DAAM1: variants seen among roughly 807,000 people sequenced by gnomAD.
DAAM1 encodes disheveled-associated activator of morphogenesis 1.
In DAAM1, 52 loss-of-function variants were observed where a neutral mutation model predicts 130.0. The ratio of observed to expected loss-of-function variants is 0.40; its 90% confidence interval spans 0.32 to 0.50. The LOEUF (loss-of-function observed/expected upper bound fraction) is 0.50. DAAM1 is among the 20% of genes least tolerant of loss of function. The pLI, the probability that DAAM1 is intolerant of heterozygous loss-of-function variation, is 0.61. For missense variants in DAAM1, 1,134 were observed against 1,303.8 expected (o/e 0.87, Z 2.01); for synonymous variants, 452 against 444.5 (o/e 1.02, Z -0.21).
chr14:59,340,305 C>G (rs1389868260), intron 16 of DAAM1, 125 bp downstream of exon 16: 2 of 826,714 alleles, frequency 2.4e-6, no homozygotes, highest in Non-Finnish European at 3.8e-6. Context: ...GGATCCCCTT[C>G]TGTTAAAATG....
At chr14:59,321,285 T>C (rs940828012) in intron 5 of DAAM1, among the ~76,000 whole-genome samples, 1 of 152,172 alleles carries the variant, frequency 6.6e-6, no homozygotes, top group African/African-American at 2.4e-5. Flanking sequence ...AGAAAGTAGA[T>C]TAGTGGTTGC....
intron 1 of DAAM1, among the ~76,000 whole-genome samples, chr14:59,262,538 A>G (rs1882215288): frequency 6.6e-6 from 1 of 152,164 alleles, no homozygotes; most frequent in African/African-American, 2.4e-5. Flanking sequence ...TCTTTCATAT[A>G]TTTATAAATA....
chr14:59,312,896 A>G (rs975281601), intron 3 of DAAM1, among the ~76,000 whole-genome samples: 3 of 152,226 alleles, frequency 2.0e-5, no homozygotes, highest in Admixed American at 1.3e-4. Context: ...CAAAGTATAT[A>G]CAATCTAGAA....
At chr14:59,262,758 T>G (rs979642699) in intron 1 of DAAM1, among the ~76,000 whole-genome samples, 2 of 151,472 alleles carry the variant, frequency 1.3e-5, no homozygotes, top group African/African-American at 4.8e-5. Context: ...GTTTGAAAAT[T>G]TCTGGCCCAT....
chr14:59,303,156 G>A (rs1472426145), intron 3 of DAAM1, among the ~76,000 whole-genome samples: 3 of 152,204 alleles, frequency 2.0e-5, no homozygotes, highest in African/African-American at 4.8e-5. Flanking sequence ...TTGCCTGTGT[G>A]TGTTAAGGAA....
intron 1 of DAAM1, among the ~76,000 whole-genome samples, chr14:59,235,033 G>T (rs1889247620): frequency 6.6e-6 from 1 of 152,146 alleles, no homozygotes; most frequent in Non-Finnish European, 1.5e-5. Context: ...TGTGCTGCTG[G>T]ATTTGGTTTG....
chr14:59,263,824 G>A, intron 2 of DAAM1, 164 bp downstream of exon 2: 1 of 831,112 alleles, frequency 1.2e-6, no homozygotes, highest in Non-Finnish European at 1.9e-6. Flanking sequence ...TAAACCTGTG[G>A]AGAAGGAAGA....
intron 1 of DAAM1, among the ~76,000 whole-genome samples, chr14:59,252,465 T>TA (rs1366129749): frequency 3.3e-5 from 5 of 152,152 alleles, no homozygotes; most frequent in African/African-American, 9.7e-5. Context: ...AAAGCTTTTT[T>TA]AAAAAAATGC....
chr14:59,325,834 C>A, intron 9 of DAAM1, 104 bp downstream of exon 9: 1 of 1,525,028 alleles, frequency 6.6e-7, no homozygotes, highest in Non-Finnish European at 9.0e-7. Context: ...AACCTAAAAG[C>A]AAACTCAAAG....
intron 1 of DAAM1, among the ~76,000 whole-genome samples, chr14:59,240,851 G>C (rs1242443567): frequency 6.6e-6 from 1 of 152,240 alleles, no homozygotes; most frequent in African/African-American, 2.4e-5. Context: ...TCTGGATGGA[G>C]AGGCAGAACC....
intron 20 of DAAM1, among the ~76,000 whole-genome samples, chr14:59,357,747 C>T (rs1231105285): frequency 6.6e-6 from 1 of 151,884 alleles, no homozygotes; most frequent in Non-Finnish European, 1.5e-5. Context: ...CACTGTACTC[C>T]AGCCTGGGTG....
At chr14:59,210,875 G>A (rs1888406240) in intron 1 of DAAM1, among the ~76,000 whole-genome samples, 1 of 152,082 alleles carries the variant, frequency 6.6e-6, no homozygotes, top group Non-Finnish European at 1.5e-5. Flanking sequence ...GAGGAGAGAG[G>A]GAGAAGTTTA....
chr14:59,254,703 C>T lies in DAAM1; in HGVS notation c.-37-8738C>T, dbSNP rs138821204. On this transcript the variant is annotated intron_variant, in intron 1 of 24. Coordinates refer to ENST00000360909, the MANE Select transcript of DAAM1 (RefSeq NM_001270520.2). ...GGCTTCCAGACTCTGGTTTCTGTCA[C>T]GTGAACAGCACAAACTTCCTAACTC... Among the ~76,000 whole-genome samples the T allele has an allele frequency of 3.1e-3, 479 of 152,258 alleles. 1 individual carries two copies. The highest frequency in any genetic ancestry group is 0.012 in the South Asian group (59 of 4,820).
At position 59,323,010 on chromosome 14, in the gene DAAM1, G is replaced by T. The variant is rs199730602; in HGVS notation, c.559G>T (p.Ala187Ser). Residue 187 changes from alanine to serine, a missense_variant, in exon 6 of 25, where the codon GCG (alanine) becomes TCG (serine). Coordinates refer to ENST00000360909, the MANE Select transcript of DAAM1 (RefSeq NM_001270520.2). ...IHTSLIGCIK[A>S]LMNNSQGRAH... is the part of the protein sequence containing the mutation. Reference sequence around the variant, plus strand: ...TACTTCTCTCATTGGCTGTATAAAGGCGTTAATGAACAACTCTCAAGGCCG... The same window carrying T: ...TACTTCTCTCATTGGCTGTATAAAGTCGTTAATGAACAACTCTCAAGGCCG... 31 of 1,614,100 alleles carry T rather than the reference G, an allele frequency of 1.9e-5. No homozygotes were observed. Among genetic ancestry groups the T allele is most frequent in the Non-Finnish European group, 1.7e-6 (2 of 1,180,004 alleles).
chr14:59,344,839 G>C (rs752689873), intron 16 of DAAM1, among the ~76,000 whole-genome samples: 1 of 152,134 alleles, frequency 6.6e-6, no homozygotes, highest in Non-Finnish European at 1.5e-5. Context: ...TTCAAGTATT[G>C]TTCTCGCTCT....
chr14:59,347,728 A>G (rs936714649), intron 17 of DAAM1, 105 bp downstream of exon 17: 19 of 1,117,478 alleles, frequency 1.7e-5, no homozygotes, highest in African/African-American at 7.8e-5. Flanking sequence ...TTCCTCATCT[A>G]TGAATTGAGG....
At position 59,359,289 on chromosome 14, in the gene DAAM1, T is replaced by C. The variant is rs539888378; in HGVS notation, c.2526-108T>C. ...GGTAATATAGCATTATTGTGGGTTCTACCATTTGAGCATATAAATCATATG... is the reference window on the plus strand; with the variant it reads ...GGTAATATAGCATTATTGTGGGTTCCACCATTTGAGCATATAAATCATATG... On this transcript the variant is annotated intron_variant, in intron 20 of 24. Transcript: ENST00000360909. The C allele has an allele frequency of 2.1e-5, 18 of 853,576 alleles. No homozygotes were observed. In the South Asian group the frequency reaches 2.9e-4, roughly 14 times the overall value. 52.9% of individuals were successfully genotyped at this position (853,576 alleles called of 1,614,324 possible).
intron 2 of DAAM1, among the ~76,000 whole-genome samples, chr14:59,284,359 C>T (rs563851097): frequency 2.6e-5 from 4 of 152,212 alleles, no homozygotes; most frequent in Admixed American, 2.6e-4. Flanking sequence ...TATCCTAAGC[C>T]TACATGTCCA....
rs568164601 is a variant in DAAM1 at position 59,326,452 on chromosome 14, T to C, written c.1175-58T>C. On this transcript the variant is annotated intron_variant, in intron 10 of 24. Transcript: ENST00000360909. ...AAAGGGTGACCACCATTGACAAATA[T>C]TCATCCTAGCTTAGAAACAACTTGA... 3.3e-6 allele frequency: 5 copies of C among 1,526,412 alleles called. No homozygotes were observed. In the African/African-American group the frequency reaches 6.9e-5, roughly 21 times the overall value. The allele number at this position is 1,526,412 out of a possible 1,614,324, so 94.6% of individuals were successfully genotyped here.
Sources: allele counts gnomAD v4.1 joint callset (sites outside exome capture counted in the v4.1 genomes callset), GRCh38; gene constraint gnomAD v4.1.1; transcripts MANE v1.5; gene names NCBI Gene and HGNC (gene_info 2026-07-23, HGNC 2026-07-21).